The following LARGE1 variants were observed in gnomAD, a reference collection of about 807,000 sequenced individuals.
LARGE1 encodes the protein xylosyl- and glucuronyltransferase LARGE1.
Under a neutral mutation model 87.6 loss-of-function variants are expected in LARGE1, and 43 were observed. That is an observed-to-expected ratio of 0.49 (90% CI 0.38 to 0.63). LARGE1 has a LOEUF of 0.63. Ranked by LOEUF, LARGE1 falls within the 30% of genes least tolerant of loss-of-function variation. The pLI is 0.00. For synonymous variants in LARGE1, 434 were observed against 394.6 expected (o/e 1.10, Z -1.18); for missense variants, 802 against 1,000.2 (o/e 0.80, Z 2.67).
chr22:33,374,351 C>T (rs1026861907), intron 9 of LARGE1, among the ~76,000 whole-genome samples: 13 of 152,148 alleles, frequency 8.5e-5, no homozygotes, highest in Admixed American at 6.5e-4. Context: ...AAGAAACAAA[C>T]ATTTTATATG....
intron 11 of LARGE1, among the ~76,000 whole-genome samples, chr22:33,247,035 A>C (rs1337479086): frequency 7.4e-6 from 1 of 134,880 alleles, no homozygotes; most frequent in Non-Finnish European, 1.6e-5. Context: ...CTATGAGAGA[A>C]CTGCAGCCAG....
intron 11 of LARGE1, among the ~76,000 whole-genome samples, chr22:33,221,081 G>A (rs943368374): frequency 2.0e-5 from 3 of 151,880 alleles, no homozygotes; most frequent in African/African-American, 4.8e-5. Context: ...CACACCTGAC[G>A]GCAAAAGCAG....
At chr22:33,596,651 G>T (rs9609839) in intron 5 of LARGE1, among the ~76,000 whole-genome samples, 1 of 152,158 alleles carries the variant, frequency 6.6e-6, no homozygotes, top group African/African-American at 2.4e-5. Context: ...TCTGATGACA[G>T]GTCGGCAGTC....
At chr22:33,834,959 T>A (rs1383208099) in intron 1 of LARGE1, among the ~76,000 whole-genome samples, 3 of 152,196 alleles carry the variant, frequency 2.0e-5, no homozygotes, top group Non-Finnish European at 2.9e-5. Flanking sequence ...TTAGAAATGA[T>A]ACAGTTAGCA....
At chr22:33,366,684 C>T (rs1329624658) in intron 9 of LARGE1, among the ~76,000 whole-genome samples, 5 of 152,144 alleles carry the variant, frequency 3.3e-5, no homozygotes, top group African/African-American at 9.7e-5. Context: ...TTTCGTCTTC[C>T]GCCATGATTG....
chr22:33,149,418 C>T, the LARGE1 span, among the ~76,000 whole-genome samples: 4 of 151,970 alleles, frequency 2.6e-5, no homozygotes, highest in Admixed American at 2.0e-4. Context: ...TTTTTTCTTT[C>T]ATGAATCATG....
chr22:33,844,725 T>G (rs1158167315), intron 1 of LARGE1, among the ~76,000 whole-genome samples: 1 of 148,694 alleles, frequency 6.7e-6, no homozygotes, highest in East Asian at 1.9e-4. Context: ...TTCCAAACTT[T>G]TTTTTTTTTT....
At chr22:33,431,886 T>C (rs958741338) in intron 7 of LARGE1, among the ~76,000 whole-genome samples, 2 of 152,214 alleles carry the variant, frequency 1.3e-5, no homozygotes, top group East Asian at 1.9e-4. Flanking sequence ...CTATGGGTCA[T>C]ACTGATAAAG....
chr22:33,736,905 T>C (rs2083675401), intron 2 of LARGE1, among the ~76,000 whole-genome samples: 2 of 152,200 alleles, frequency 1.3e-5, no homozygotes, highest in African/African-American at 2.4e-5. Flanking sequence ...TAACTTGCCA[T>C]GGTCACAAAA....
At chr22:33,641,740 C>T (rs920865541) in intron 3 of LARGE1, among the ~76,000 whole-genome samples, 2 of 152,030 alleles carry the variant, frequency 1.3e-5, no homozygotes, top group Non-Finnish European at 1.5e-5. Context: ...GTGAAGCATA[C>T]ACAAGTATCG....
intron 6 of LARGE1, among the ~76,000 whole-genome samples, chr22:33,479,784 G>T (rs1280556675): frequency 6.8e-6 from 1 of 146,366 alleles, no homozygotes; most frequent in Admixed American, 6.9e-5. Context: ...TCACTTTGTC[G>T]CCCAGGCTGG....
At chr22:33,156,501 T>A in the LARGE1 span, among the ~76,000 whole-genome samples, 1 of 152,216 alleles carries the variant, frequency 6.6e-6, no homozygotes. Context: ...GCTTGGTGCC[T>A]GTATCACCTT....
chr22:33,853,680 T>C (rs1219022880), intron 1 of LARGE1, among the ~76,000 whole-genome samples: 3 of 152,198 alleles, frequency 2.0e-5, no homozygotes, highest in African/African-American at 7.2e-5. Context: ...ATAGCAAGGA[T>C]ACAAAAAAGT....
Position 33,423,090 on chromosome 22 carries a change from A to T in LARGE1, c.892+9071T>A, listed in dbSNP as rs117104417. 5.2e-4 allele frequency among the ~76,000 whole-genome samples: 79 copies of T among 151,544 alleles called. 1 individual carries two copies. The East Asian group carries it at 0.014, about 28-fold the overall frequency. ...AAGATGGTACTTCCTGTTATCTGATACTTTACCAAGAGTTGTTCACTACTT... is the reference window on the plus strand; with the variant it reads ...AAGATGGTACTTCCTGTTATCTGATTCTTTACCAAGAGTTGTTCACTACTT... On this transcript the variant is annotated intron_variant, in intron 7 of 14. Coordinates refer to ENST00000397394, the MANE Select transcript of LARGE1 (RefSeq NM_133642.5).
At chr22:33,151,414 G>A in the LARGE1 span, among the ~76,000 whole-genome samples, 17 of 152,048 alleles carry the variant, frequency 1.1e-4, no homozygotes, top group East Asian at 1.9e-4. Flanking sequence ...ATTTTATTTC[G>A]TTTATTCTCA....
At chr22:33,285,589 G>A (rs1602240827) in intron 12 of LARGE1, among the ~76,000 whole-genome samples, 1 of 152,020 alleles carries the variant, frequency 6.6e-6, no homozygotes, top group Non-Finnish European at 1.5e-5. Flanking sequence ...ACGCCACTGT[G>A]TTCCACCCTG....
chr22:33,160,765 A>T (rs1439542557), downstream of LARGE1, among the ~76,000 whole-genome samples: 3 of 152,244 alleles, frequency 2.0e-5, no homozygotes, highest in African/African-American at 7.2e-5. Context: ...GACCCTTTTC[A>T]TACAGCATTT....
intron 1 of LARGE1, among the ~76,000 whole-genome samples, chr22:33,778,257 A>G (rs1313893245): frequency 6.6e-6 from 1 of 152,108 alleles, no homozygotes; most frequent in Non-Finnish European, 1.5e-5. Context: ...ATGCCCTTTA[A>G]CCCTTGTTTC....
At chr22:33,762,840 C>T (rs1255532277) in intron 1 of LARGE1, among the ~76,000 whole-genome samples, 1 of 152,216 alleles carries the variant, frequency 6.6e-6, no homozygotes, top group Non-Finnish European at 1.5e-5. Context: ...CACCTCCTGA[C>T]ATAGGTGTCA....
Sources: allele counts gnomAD v4.1 joint callset (sites outside exome capture counted in the v4.1 genomes callset), GRCh38; gene constraint gnomAD v4.1.1; transcripts MANE v1.5; gene names NCBI Gene and HGNC (gene_info 2026-07-23, HGNC 2026-07-21).